MYO9A: variants seen among roughly 807,000 people sequenced by gnomAD.
MYO9A encodes the protein unconventional myosin-IXa.
MYO9A carries 103 observed loss-of-function variants against 293.3 expected under a neutral mutation model. The observed-to-expected ratio is 0.35, with a 90% confidence interval of 0.30 to 0.41. MYO9A has a LOEUF of 0.41. Among genes scored for constraint, MYO9A ranks in the 10% least tolerant of loss-of-function variants. MYO9A has a pLI of 1.00. For missense variants in MYO9A, 2,685 were observed against 3,033.0 expected (o/e 0.89, Z 2.69); for synonymous variants, 1,001 against 1,035.7 (o/e 0.97, Z 0.64).
intron 1 of MYO9A, among the ~76,000 whole-genome samples, chr15:72,102,354 G>A (rs1291750116): frequency 1.3e-5 from 2 of 150,764 alleles, no homozygotes; most frequent in Admixed American, 6.6e-5. Context: ...ACTGCGGAAG[G>A]CCGCAGGGTC....
chr15:72,010,250 C>G (rs2077134508), intron 7 of MYO9A, 100 bp downstream of exon 7: 3 of 859,682 alleles, frequency 3.5e-6, no homozygotes, highest in Admixed American at 2.2e-5. Context: ...ATGAAGAATA[C>G]CACTTAGAAA....
At chr15:72,070,128 C>CAAAAAA (rs936332297) in intron 1 of MYO9A, among the ~76,000 whole-genome samples, 2 of 49,044 alleles carry the variant, frequency 4.1e-5, no homozygotes, top group African/African-American at 7.7e-5. Context: ...GACTATGTCT[C>CAAAAAA]AAAAAAAAAA....
chr15:72,101,880 C>A (rs1381888988), intron 1 of MYO9A, among the ~76,000 whole-genome samples: 2 of 151,786 alleles, frequency 1.3e-5, no homozygotes, highest in South Asian at 2.1e-4. Context: ...GGGTCAGCCC[C>A]CGACCGGCCA....
In MYO9A at chr15:71,897,547, A is replaced by C; in HGVS notation, c.4956T>G (p.Ser1652=). Reference sequence around the variant, plus strand: ...AAAGGTCATCAGAATTGTGGCTGTAAGACTGAGTTGGCCTAAAGTGTTCTC... The same window carrying C: ...AAAGGTCATCAGAATTGTGGCTGTACGACTGAGTTGGCCTAAAGTGTTCTC... The part of the protein sequence containing the change: ...SKREHFRPTQ[S]YSHNSDDLSR... The change falls in exon 25 of 42, where the codon TCT becomes TCG. Residue 1652 remains serine (S), a synonymous_variant. Coordinates refer to ENST00000356056, the MANE Select transcript of MYO9A (RefSeq NM_006901.4). The C allele has an allele frequency of 1.2e-6, 2 of 1,614,186 alleles. No individual in the cohort carries two copies. The highest frequency in any genetic ancestry group is 2.7e-5 in the African/African-American group (2 of 75,056).
chr15:71,983,466 A>ATT (rs1217052840), intron 11 of MYO9A, among the ~76,000 whole-genome samples: 2 of 84,582 alleles, frequency 2.4e-5, no homozygotes, highest in South Asian at 3.9e-4. Context: ...TATTTTTTTT[A>ATT]TTTCTTTTTT....
intron 32 of MYO9A, among the ~76,000 whole-genome samples, chr15:71,873,585 A>G (rs1046868589): frequency 6.6e-6 from 1 of 152,124 alleles, no homozygotes; most frequent in South Asian, 2.1e-4. Context: ...AATCTGTCTT[A>G]TGTTTCCAAA....
intron 1 of MYO9A, among the ~76,000 whole-genome samples, chr15:72,108,252 TAGG>T (rs1281210612): frequency 5.9e-5 from 9 of 152,344 alleles, no homozygotes; most frequent in Non-Finnish European, 1.2e-4. Flanking sequence ...ACATCACTGA[TAGG>T]AGGACAGCTG....
At chr15:71,883,510 T>C (rs1303006237) in intron 28 of MYO9A, 84 bp downstream of exon 28, 14 of 1,398,204 alleles carry the variant, frequency 1.0e-5, no homozygotes, top group African/African-American at 1.4e-5. Context: ...AGGATTGACA[T>C]TATGAATACT....
intron 11 of MYO9A, 58 bp from the exon 12 acceptor site, chr15:71,978,350 A>G: frequency 6.9e-7 from 1 of 1,439,762 alleles, no homozygotes; most frequent in East Asian, 2.4e-5. Flanking sequence ...ATAGGTATAT[A>G]ATATAGATTG....
chr15:72,021,955 T>C lies in MYO9A; in HGVS notation c.999-938A>G, dbSNP rs183936603. On this transcript the variant is annotated intron_variant, in intron 4 of 41. Transcript: ENST00000356056. ...AATACCTAGCTGAGTGTTGAAGGCA[T>C]GGAACAATATACATAGAGAGCCCTG... Among the ~76,000 whole-genome samples, 3 of 152,274 alleles carry C rather than the reference T, an allele frequency of 2.0e-5. No individual in the cohort carries two copies. In the East Asian group the frequency reaches 5.8e-4, roughly 29 times the overall value.
At chr15:72,022,435 C>T (rs1301197283) in intron 4 of MYO9A, among the ~76,000 whole-genome samples, 1 of 151,690 alleles carries the variant, frequency 6.6e-6, no homozygotes, top group Non-Finnish European at 1.5e-5. Context: ...GCAGGAGAAT[C>T]GCTTGAACCC....
intron 8 of MYO9A, among the ~76,000 whole-genome samples, chr15:72,002,286 T>C (rs982754408): frequency 1.3e-5 from 2 of 151,778 alleles, no homozygotes; most frequent in Non-Finnish European, 2.9e-5. Flanking sequence ...TTACTTTTGT[T>C]ACCCAGGCTG....
intron 34 of MYO9A, among the ~76,000 whole-genome samples, chr15:71,857,959 C>T (rs1162675681): frequency 6.6e-6 from 1 of 152,282 alleles, no homozygotes; most frequent in Non-Finnish European, 1.5e-5. Context: ...TATGAACAGA[C>T]ACTTCTCAAA....
intron 16 of MYO9A, among the ~76,000 whole-genome samples, chr15:71,935,833 T>C (rs1402905796): frequency 6.6e-6 from 1 of 152,046 alleles, no homozygotes; most frequent in African/African-American, 2.4e-5. Context: ...AATGCTACTA[T>C]AGGAATTTGT....
At chr15:71,851,456 GT>G in intron 36 of MYO9A, 98 bp from the exon 37 acceptor site, 1 of 874,968 alleles carries the variant, frequency 1.1e-6, no homozygotes, top group Non-Finnish European at 1.7e-6. Context: ...TGGCTACAGA[GT>G]TTTAGGAGTA....
At chr15:72,027,603 T>C (rs1197480247) in intron 4 of MYO9A, 128 bp downstream of exon 4, 4 of 679,208 alleles carry the variant, frequency 5.9e-6, no homozygotes, top group Non-Finnish European at 9.9e-6. Flanking sequence ...ATGACAGAAA[T>C]AGCAATTATG....
At chr15:71,887,541 A>G (rs2057056914) in intron 27 of MYO9A, among the ~76,000 whole-genome samples, 1 of 152,146 alleles carries the variant, frequency 6.6e-6, no homozygotes, top group Non-Finnish European at 1.5e-5. Flanking sequence ...TAGTTTCCCC[A>G]TAAATTTACC....
At position 71,825,034 on chromosome 15, in the gene MYO9A, T is replaced by TG. The variant is rs1294680334; in HGVS notation, c.*1545dup. On this transcript the variant is annotated 3_prime_UTR_variant, in exon 42 of 42. Transcript: ENST00000356056. ...TGGTAAAGGCTCTTTTTCAGAGCAGTGCATGTAGTAGCAAGACAAGATGCA... is the reference window on the plus strand; with the variant it reads ...TGGTAAAGGCTCTTTTTCAGAGCAGTGGCATGTAGTAGCAAGACAAGATGCA... The TG allele has an allele frequency of 6.6e-6, 1 of 152,234 alleles. No individual in the cohort carries two copies. Among genetic ancestry groups the TG allele is most frequent in the Non-Finnish European group, 1.5e-5 (1 of 68,040 alleles). 9.4% of individuals were successfully genotyped at this position (152,234 alleles called of 1,614,324 possible).
At chr15:71,847,463 A>G (rs1162862700) in intron 39 of MYO9A, 1 of 454,692 alleles carries the variant, frequency 2.2e-6, no homozygotes, top group Non-Finnish European at 4.4e-6. Flanking sequence ...CAATTAGTAC[A>G]GGTTTCTGGA....
Sources: allele counts gnomAD v4.1 joint callset (sites outside exome capture counted in the v4.1 genomes callset), GRCh38; gene constraint gnomAD v4.1.1; transcripts MANE v1.5; gene names NCBI Gene and HGNC (gene_info 2026-07-23, HGNC 2026-07-21).